The following ANO1 variants were observed in gnomAD, a reference collection of about 807,000 sequenced individuals.
ANO1 encodes the protein anoctamin 1.
A neutral mutation model predicts 124.0 loss-of-function variants in ANO1; 59 were observed. The observed-to-expected ratio is 0.48, with a 90% CI of 0.39 to 0.59. The LOEUF (loss-of-function observed/expected upper bound fraction) is 0.59. Among genes scored for constraint, ANO1 ranks in the 20% least tolerant of loss-of-function variants. The pLI is 0.00. For synonymous variants in ANO1, 529 were observed against 532.0 expected, an observed-to-expected ratio of 0.99 and a Z score of 0.08; for missense variants, 1,059 against 1,328.0, an observed-to-expected ratio of 0.80 and a Z score of 3.15.
At chr11:70,016,956 C>T (rs1253615021) in intron 1 of ANO1, among the ~76,000 whole-genome samples, 2 of 152,256 alleles carry the variant, frequency 1.3e-5, no homozygotes, top group Non-Finnish European at 2.9e-5. Flanking sequence ...GTGCTTCGTA[C>T]TAGAGATTCT....
the ANO1 span, among the ~76,000 whole-genome samples, chr11:69,967,035 A>C: frequency 2.0e-5 from 3 of 152,224 alleles, no homozygotes; most frequent in Non-Finnish European, 2.9e-5. Flanking sequence ...GCCTCCACGC[A>C]GTAGAGGCCA....
intron 5 of ANO1, among the ~76,000 whole-genome samples, chr11:70,107,107 A>C (rs1157770458): frequency 6.6e-6 from 1 of 152,164 alleles, no homozygotes; most frequent in Non-Finnish European, 1.5e-5. Context: ...TGGTTACAGG[A>C]GAATCAGCAA....
intron 2 of ANO1, among the ~76,000 whole-genome samples, chr11:70,091,788 G>A (rs2044635869): frequency 6.6e-6 from 1 of 152,214 alleles, no homozygotes; most frequent in African/African-American, 2.4e-5. Context: ...TGTGCTGCGA[G>A]CCCCACACAG....
chr11:70,178,350 T>A (rs2048806961), intron 22 of ANO1, among the ~76,000 whole-genome samples: 2 of 152,172 alleles, frequency 1.3e-5, no homozygotes. Flanking sequence ...GCTGCTAGTG[T>A]GCAGAGCCCA....
chr11:69,974,043 G>T, the ANO1 span, among the ~76,000 whole-genome samples: 1 of 152,102 alleles, frequency 6.6e-6, no homozygotes, highest in African/African-American at 2.4e-5. Context: ...TTAAGGCCAG[G>T]CACAGTGGTT....
At chr11:70,142,900 C>T (rs2047211224) in intron 11 of ANO1, among the ~76,000 whole-genome samples, 1 of 152,154 alleles carries the variant, frequency 6.6e-6, no homozygotes, top group Admixed American at 6.5e-5. Context: ...TCACGAGGAC[C>T]CCACCCTCAT....
chr11:70,173,903 T>C (rs1486046142), intron 22 of ANO1, among the ~76,000 whole-genome samples: 4 of 151,728 alleles, frequency 2.6e-5, no homozygotes, highest in African/African-American at 9.7e-5. Context: ...ATACAAAAAT[T>C]AGCTGGGCAT....
chr11:70,082,186 A>G lies in ANO1; in HGVS notation c.108+3472A>G, dbSNP rs554681071. On this transcript the variant is annotated intron_variant, in intron 1 of 25. Coordinates refer to ENST00000355303, the MANE Select transcript of ANO1 (RefSeq NM_018043.7). The stretch of plus-strand genomic sequence containing the variant: ...CAGCCAGCCACAGTATACAAGACCC[A>G]GCCTCTGTTGTTCATTCACACATGC... Among the ~76,000 whole-genome samples, 112 of 152,214 alleles carry G rather than the reference A, an allele frequency of 7.4e-4. 2 individuals are homozygous for G. In the South Asian group the frequency reaches 0.022, roughly 29 times the overall value.
Position 70,078,561 on chromosome 11 carries a change from TG to T in ANO1, c.-42del. On this transcript the variant is annotated 5_prime_UTR_variant, in exon 1 of 26. Coordinates refer to ENST00000355303, the MANE Select transcript of ANO1 (RefSeq NM_018043.7). Reference sequence around the variant, plus strand: ...CCGCAGAGGCCGCCGGGGCCGTGGATGGGGAGGGCGCGCCGCCCGGCGGTCC... The same window carrying T: ...CCGCAGAGGCCGCCGGGGCCGTGGATGGGAGGGCGCGCCGCCCGGCGGTCC... 2 of 1,332,640 alleles carry T rather than the reference TG, an allele frequency of 1.5e-6. No homozygotes were observed. Among genetic ancestry groups the T allele is most frequent in the Non-Finnish European group, 2.0e-6 (2 of 1,002,890 alleles). The allele number at this position is 1,332,640 out of a possible 1,614,324, so 82.6% of individuals were successfully genotyped here. A position where few individuals can be genotyped will look rare whatever the true frequency, so the allele number is the denominator to read the frequency against.
At chr11:70,125,951 G>A in intron 9 of ANO1, 110 bp from the exon 10 acceptor site, 2 of 1,349,776 alleles carry the variant, frequency 1.5e-6, no homozygotes, top group Non-Finnish European at 2.0e-6. Flanking sequence ...TGGGATGAGG[G>A]AACCAGTGCC....
intron 10 of ANO1, 97 bp from the exon 11 acceptor site, chr11:70,131,822 C>T: frequency 8.3e-6 from 12 of 1,441,420 alleles, no homozygotes; most frequent in Non-Finnish European, 1.0e-5. Flanking sequence ...CAACCCCCAG[C>T]TTGGGCCCAG....
At chr11:70,149,470 G>A (rs1005393999) in intron 11 of ANO1, 6 of 459,978 alleles carry the variant, frequency 1.3e-5, no homozygotes, top group African/African-American at 1.0e-4. Context: ...GGCCAACATG[G>A]TGAAACCCTG....
chr11:70,058,978 T>G (rs1222181701), intron 1 of ANO1, among the ~76,000 whole-genome samples: 3 of 149,478 alleles, frequency 2.0e-5, no homozygotes, highest in Non-Finnish European at 4.4e-5. Context: ...GGTCAGGAGA[T>G]CAAGACCATC....
At chr11:70,056,042 T>C (rs1857427774) in intron 1 of ANO1, among the ~76,000 whole-genome samples, 1 of 151,428 alleles carries the variant, frequency 6.6e-6, no homozygotes, top group Non-Finnish European at 1.5e-5. Context: ...CACAAGACAT[T>C]GTTATTGCTA....
chr11:70,185,712 T>C lies in ANO1; in HGVS notation c.2694+17T>C. On this transcript the variant is annotated intron_variant, in intron 25 of 25. Transcript: ENST00000355303. ...GTCTTCCAGGTGCGGTGGGTCCCTCTTTGTTTCCGGTTTGAAGATGGGAGC... is the reference window on the plus strand; with the variant it reads ...GTCTTCCAGGTGCGGTGGGTCCCTCCTTGTTTCCGGTTTGAAGATGGGAGC... 6.2e-7 allele frequency: 1 copy of C among 1,612,422 alleles called. No individual in the cohort carries two copies. Among genetic ancestry groups the C allele is most frequent in the Non-Finnish European group, 8.5e-7 (1 of 1,178,532 alleles).
intron 8 of ANO1, 140 bp downstream of exon 8, chr11:70,116,639 G>A (rs962318381): frequency 9.8e-6 from 7 of 712,264 alleles, no homozygotes; most frequent in South Asian, 1.7e-5. Flanking sequence ...GCTGAGAAGC[G>A]GGTGTCCCCT....
At chr11:69,966,555 G>C in the ANO1 span, among the ~76,000 whole-genome samples, 1 of 152,200 alleles carries the variant, frequency 6.6e-6, no homozygotes, top group African/African-American at 2.4e-5. Flanking sequence ...TGGGAAGCCC[G>C]AGGCCGGCAT....
intron 1 of ANO1, 86 bp from the exon 2 acceptor site, chr11:70,087,662 GGAGT>G: frequency 8.0e-7 from 1 of 1,249,974 alleles, no homozygotes; most frequent in Non-Finnish European, 1.1e-6. Context: ...GAGTGAGTGA[GGAGT>G]GAGTGGATGA....
In ANO1 at chr11:70,078,579, C is replaced by A; in HGVS notation, c.-28C>A. 7.0e-7 allele frequency: 1 copy of A among 1,426,372 alleles called. No homozygotes were observed. 88.4% of individuals were successfully genotyped at this position (1,426,372 alleles called of 1,614,324 possible). A position where few individuals can be genotyped will look rare whatever the true frequency, so the allele number is the denominator to read the frequency against. On this transcript the variant is annotated 5_prime_UTR_variant, in exon 1 of 26. Transcript: ENST00000355303. ...CCGTGGATGGGGAGGGCGCGCCGCC[C>A]GGCGGTCCCAGCGCACAGGCGGCCA... is the stretch of plus-strand genomic sequence containing the variant.
Sources: allele counts gnomAD v4.1 joint callset (sites outside exome capture counted in the v4.1 genomes callset), GRCh38; gene constraint gnomAD v4.1.1; transcripts MANE v1.5; gene names NCBI Gene and HGNC (gene_info 2026-07-23, HGNC 2026-07-21).